NRF1: variants seen among roughly 807,000 people sequenced by gnomAD.
NRF1 encodes alpha palindromic-binding protein.
Under a neutral mutation model 58.5 loss-of-function variants are expected in NRF1, and 5 were observed. The ratio of observed to expected loss-of-function variants is 0.09; its 90% CI spans 0.04 to 0.18. NRF1 has a LOEUF of 0.18. NRF1 is among the 10% of genes least tolerant of loss of function. The pLI, the probability that NRF1 is intolerant of heterozygous loss-of-function variation, is 1.00. For synonymous variants in NRF1, 224 were observed against 246.7 expected (o/e 0.91, Z 0.86); for missense variants, 288 against 657.7 (o/e 0.44, Z 6.15).
chr7:129,640,575 T>TAATTAATAGCTTAA (rs1801268315), intron 1 of NRF1, among the ~76,000 whole-genome samples: 1 of 152,104 alleles, frequency 6.6e-6, no homozygotes, highest in Non-Finnish European at 1.5e-5. Flanking sequence ...GAAGATTAAT[T>TAATTAATAGCTTAA]AATTAATAGC....
chr7:129,621,974 G>A (rs531816077), intron 1 of NRF1, among the ~76,000 whole-genome samples: 2 of 151,830 alleles, frequency 1.3e-5, no homozygotes, highest in Admixed American at 1.3e-4. Flanking sequence ...GTAGAGACAG[G>A]GTTTCACCAT....
At chr7:129,661,485 A>G (rs1341663868) in intron 2 of NRF1, among the ~76,000 whole-genome samples, 1 of 150,980 alleles carries the variant, frequency 6.6e-6, no homozygotes, top group Non-Finnish European at 1.5e-5. Context: ...GCTGCTTAGA[A>G]ATTTCTTCTG....
At chr7:129,721,177 C>T (rs1584671377) in intron 9 of NRF1, among the ~76,000 whole-genome samples, 1 of 152,150 alleles carries the variant, frequency 6.6e-6, no homozygotes, top group Non-Finnish European at 1.5e-5. Context: ...TCCTCTTAAA[C>T]ATGTCCTTCT....
chr7:129,672,641 A>G (rs556691064), intron 3 of NRF1, among the ~76,000 whole-genome samples: 6 of 152,186 alleles, frequency 3.9e-5, no homozygotes, highest in Non-Finnish European at 8.8e-5. Flanking sequence ...ATCATGATTC[A>G]TTGACATGGA....
chr7:129,675,763 A>C (rs891297971), intron 3 of NRF1, among the ~76,000 whole-genome samples: 1 of 152,178 alleles, frequency 6.6e-6, no homozygotes, highest in African/African-American at 2.4e-5. Flanking sequence ...TTATTGTTCT[A>C]TTTATAGAGG....
At chr7:129,736,242 A>G (rs1803707160) in intron 10 of NRF1, among the ~76,000 whole-genome samples, 1 of 151,000 alleles carries the variant, frequency 6.6e-6, no homozygotes, top group East Asian at 1.9e-4. Context: ...ATGTTTTCTC[A>G]GCAGAATTTA....
intron 3 of NRF1, among the ~76,000 whole-genome samples, chr7:129,673,501 G>C (rs372226370): frequency 2.5e-4 from 38 of 152,034 alleles, no homozygotes; most frequent in African/African-American, 8.2e-4. Context: ...AGGCCGAGGC[G>C]GGCGGATCAC....
chr7:129,629,160 T>C (rs1050767635), intron 1 of NRF1, among the ~76,000 whole-genome samples: 2 of 152,200 alleles, frequency 1.3e-5, no homozygotes, highest in African/African-American at 4.8e-5. Flanking sequence ...GTCTGTCAAA[T>C]ACCGAGGTCT....
chr7:129,699,640 A>G (rs952204925), intron 5 of NRF1, among the ~76,000 whole-genome samples: 1 of 152,038 alleles, frequency 6.6e-6, no homozygotes, highest in African/African-American at 2.4e-5. Flanking sequence ...CTGAGGCAGG[A>G]GAATAGCTTG....
At chr7:129,653,708 G>T (rs530171714) in intron 1 of NRF1, among the ~76,000 whole-genome samples, 1 of 152,060 alleles carries the variant, frequency 6.6e-6, no homozygotes, top group Non-Finnish European at 1.5e-5. Flanking sequence ...TTTCCAGAAG[G>T]CCATGTAATT....
chr7:129,626,709 A>T (rs1800927779), intron 1 of NRF1, among the ~76,000 whole-genome samples: 1 of 152,244 alleles, frequency 6.6e-6, no homozygotes, highest in South Asian at 2.1e-4. Context: ...AAGGGGAAGA[A>T]GTAGCAACTA....
In NRF1 at chr7:129,677,613, G is replaced by A. The variant is rs1170647707; in HGVS notation, c.339-19G>A. The A allele has an allele frequency of 1.2e-5, 20 of 1,611,572 alleles. No homozygotes were observed. The highest frequency in any genetic ancestry group is 1.6e-5 in the Non-Finnish European group (19 of 1,179,232). The stretch of plus-strand genomic sequence containing the variant: ...CGTCTTTTTAAAACTTTTTATTCTT[G>A]TTTCCTTTTCTGATTCAGGAAACTT... On this transcript the variant is annotated intron_variant, in intron 3 of 10. Transcript: ENST00000393232.
intron 8 of NRF1, 123 bp from the exon 9 acceptor site, chr7:129,717,096 A>G (rs17161218): frequency 0.076 from 65,674 of 868,804 alleles, 2,731 homozygotes; most frequent in African/African-American, 0.11. Context: ...TGTATATTGC[A>G]GGTCATGTTA....
chr7:129,660,208 C>T (rs796643072), intron 2 of NRF1, among the ~76,000 whole-genome samples: 2 of 152,136 alleles, frequency 1.3e-5, no homozygotes, highest in Non-Finnish European at 2.9e-5. Context: ...CCGGGTCCTT[C>T]CCACAACATG....
In NRF1 at chr7:129,640,334, A is replaced by G. The variant is rs1192043040; in HGVS notation, c.-6-17012A>G. Among the ~76,000 whole-genome samples, 6 of 151,838 alleles carry G rather than the reference A, an allele frequency of 4.0e-5. No individual in the cohort carries two copies. The East Asian group carries it at 9.8e-4, about 25-fold the overall frequency. Reference sequence around the variant, plus strand: ...GAGTTTAAGACCAGCCTGGCAACATAGTGAGACCTGGTCCCTACAAAAAAA... The same window carrying G: ...GAGTTTAAGACCAGCCTGGCAACATGGTGAGACCTGGTCCCTACAAAAAAA... On this transcript the variant is annotated intron_variant, in intron 1 of 10. Transcript: ENST00000393232.
intron 10 of NRF1, chr7:129,744,062 C>T: frequency 1.0e-6 from 1 of 980,534 alleles, no homozygotes. Flanking sequence ...AGGCTGTGCA[C>T]CCTGCACCAG....
At chr7:129,654,092 A>G (rs1801598542) in intron 1 of NRF1, among the ~76,000 whole-genome samples, 1 of 152,218 alleles carries the variant, frequency 6.6e-6, no homozygotes, top group East Asian at 1.9e-4. Flanking sequence ...TCCCACCAGC[A>G]GTGAAATAGA....
chr7:129,708,501 C>T (rs1476716276), intron 5 of NRF1, among the ~76,000 whole-genome samples: 1 of 152,086 alleles, frequency 6.6e-6, no homozygotes, highest in Non-Finnish European at 1.5e-5. Context: ...GGTTATTTTC[C>T]CTTTTTATTA....
chr7:129,684,311 A>G (rs1027156726), intron 4 of NRF1, among the ~76,000 whole-genome samples: 2 of 152,246 alleles, frequency 1.3e-5, no homozygotes, highest in Non-Finnish European at 2.9e-5. Context: ...TTTAGAAACA[A>G]GATAGCTGTA....
Sources: allele counts gnomAD v4.1 joint callset (sites outside exome capture counted in the v4.1 genomes callset), GRCh38; gene constraint gnomAD v4.1.1; transcripts MANE v1.5; gene names NCBI Gene and HGNC (gene_info 2026-07-23, HGNC 2026-07-21).